Variants in IKBKB observed in about 807,000 individuals in gnomAD.
The protein encoded by IKBKB is inhibitor of nuclear factor kappa-B kinase subunit beta.
Under a neutral mutation model 113.6 loss-of-function variants are expected in IKBKB, and 42 were observed. The ratio of observed to expected loss-of-function variants is 0.37; its 90% confidence interval spans 0.29 to 0.48. The LOEUF is 0.48. Among genes scored for constraint, IKBKB ranks in the 20% least tolerant of loss-of-function variants. IKBKB has a pLI of 0.99. For missense variants in IKBKB, 673 were observed against 939.7 expected (o/e 0.72, Z 3.71); for synonymous variants, 296 against 361.3 (o/e 0.82, Z 2.05).
Position 42,271,391 on chromosome 8 carries a change from T to A in IKBKB, c.-97T>A. ...TTTTAATGTTTTCAGGGGGGTGTCATAGCCCCGGGTTTGGCCGCCCCAGCC... is the reference window on the plus strand; with the variant it reads ...TTTTAATGTTTTCAGGGGGGTGTCAAAGCCCCGGGTTTGGCCGCCCCAGCC... On this transcript the variant is annotated 5_prime_UTR_variant, in exon 1 of 22. Transcript: ENST00000520810. The A allele has an allele frequency of 1.3e-6, 2 of 1,512,650 alleles. No individual in the cohort carries two copies. The highest frequency in any genetic ancestry group is 1.8e-6 in the Non-Finnish European group (2 of 1,127,962). 93.7% of individuals were successfully genotyped at this position (1,512,650 alleles called of 1,614,324 possible). A position where few individuals can be genotyped will look rare whatever the true frequency, so the allele number is the denominator to read the frequency against.
At chr8:42,279,317 T>G (rs547870801) in intron 2 of IKBKB, among the ~76,000 whole-genome samples, 3 of 152,230 alleles carry the variant, frequency 2.0e-5, no homozygotes, top group South Asian at 4.1e-4. Flanking sequence ...TATGGTGGTG[T>G]TGGTTCCTTG....
chr8:42,271,941 G>T, intron 1 of IKBKB, 142 bp from the exon 2 acceptor site: 1 of 914,980 alleles, frequency 1.1e-6, no homozygotes, highest in Non-Finnish European at 1.6e-6. Flanking sequence ...CAAACACATT[G>T]GTTTCTTTAC....
chr8:42,300,567 A>G (rs1814971904), intron 5 of IKBKB, among the ~76,000 whole-genome samples: 1 of 152,174 alleles, frequency 6.6e-6, no homozygotes, highest in African/African-American at 2.4e-5. Flanking sequence ...GTGGTTTGTC[A>G]TCTGAAAAAA....
At chr8:42,301,190 C>T (rs796878588) in intron 5 of IKBKB, among the ~76,000 whole-genome samples, 15 of 152,308 alleles carry the variant, frequency 9.8e-5, no homozygotes, top group African/African-American at 3.6e-4. Flanking sequence ...TAATAGTTTG[C>T]AATGTGGTGC....
chr8:42,314,963 T>C (rs1433835466), intron 9 of IKBKB, among the ~76,000 whole-genome samples: 1 of 152,220 alleles, frequency 6.6e-6, no homozygotes, highest in African/African-American at 2.4e-5. Flanking sequence ...TAACAATTTA[T>C]CTATACCTCT....
intron 11 of IKBKB, 170 bp downstream of exon 11, chr8:42,317,074 T>G (rs1818828469): frequency 1.4e-6 from 1 of 700,296 alleles, no homozygotes; most frequent in Non-Finnish European, 2.6e-6. Flanking sequence ...TGTGGCCTGA[T>G]AGGAAACACA....
chr8:42,326,170 C>A, intron 20 of IKBKB, 73 bp downstream of exon 20: 1 of 1,562,998 alleles, frequency 6.4e-7, no homozygotes, highest in South Asian at 1.1e-5. Flanking sequence ...AGGCGTTTGT[C>A]ACTGGTAAAT....
At position 42,330,920 on chromosome 8, in the gene IKBKB, G is replaced by A. The variant is rs201036758; in HGVS notation, c.2212G>A (p.Asp738Asn). 1.1e-4 allele frequency: 177 copies of A among 1,614,218 alleles called. 2 individuals carry two copies. In the South Asian group the frequency reaches 1.9e-3, roughly 17 times the overall value. ...REQDQSFTAL[D>N]WSWLQTEEEE... Reference sequence around the variant, plus strand: ...CATGTCTGTTGACTTTCAGGCCCTAGACTGGAGCTGGTTACAGACGGAAGA... The same window carrying A: ...CATGTCTGTTGACTTTCAGGCCCTAAACTGGAGCTGGTTACAGACGGAAGA... The change falls in exon 22 of 22, where the codon GAC becomes AAC. Residue 738 changes from aspartate (D) to asparagine (N), a missense_variant. This residue lies in a region of IKBKB where 506 missense variants were observed against 638.7 expected (regional missense o/e 0.79). Coordinates refer to ENST00000520810, the MANE Select transcript of IKBKB (RefSeq NM_001556.3).
chr8:42,308,021 G>T (rs1585711565), intron 7 of IKBKB, among the ~76,000 whole-genome samples: 1 of 152,086 alleles, frequency 6.6e-6, no homozygotes, highest in Admixed American at 6.5e-5. Context: ...TCACCCCAGC[G>T]CTCTCTGCCT....
rs1818270733 is a variant in IKBKB, at chr8:42,314,356, A to G, written c.727A>G (p.Ile243Val). 6.2e-7 allele frequency: 1 copy of G among 1,614,134 alleles called. No individual in the cohort carries two copies. Among genetic ancestry groups the G allele is most frequent in the Non-Finnish European group, 8.5e-7 (1 of 1,179,948 alleles). ...SKVRQKSEVDIVVSEDLNGTV... is the reference protein window; with the variant it reads ...SKVRQKSEVDVVVSEDLNGTV... ...AGTGCGGCAGAAGAGTGAGGTGGAC[A>G]TTGTTGTTAGCGAAGACTTGAATGG... Residue 243 changes from isoleucine to valine, a missense_variant, in exon 9 of 22, where the codon ATT (isoleucine) becomes GTT (valine). Physicochemically the swap from Ile to Val is conservative, Grantham distance 29. Coordinates refer to ENST00000520810, the MANE Select transcript of IKBKB (RefSeq NM_001556.3).
At chr8:42,326,373 T>C in intron 20 of IKBKB, 1 of 376,000 alleles carries the variant, frequency 2.7e-6, no homozygotes, top group East Asian at 6.3e-5. Flanking sequence ...TGTTACCCTT[T>C]ATCCATAGGA....
At chr8:42,290,871 T>C (rs1172104937) in intron 4 of IKBKB, among the ~76,000 whole-genome samples, 1 of 152,248 alleles carries the variant, frequency 6.6e-6, no homozygotes, top group Non-Finnish European at 1.5e-5. Flanking sequence ...TGTTCACTTC[T>C]GGTGGGTGGA....
chr8:42,288,588 T>G (rs1305637706), intron 2 of IKBKB, 46 bp from the exon 3 acceptor site: 3 of 1,480,956 alleles, frequency 2.0e-6, no homozygotes, highest in Non-Finnish European at 2.8e-6. Context: ...GGGTGGGATT[T>G]GGCCTGCAGC....
chr8:42,308,835 C>T (rs1028608358), intron 7 of IKBKB, 66 bp from the exon 8 acceptor site: 32 of 1,516,470 alleles, frequency 2.1e-5, no homozygotes, highest in African/African-American at 4.1e-5. Context: ...ATGGGCTGGC[C>T]GCCCCCTCCT....
intron 5 of IKBKB, among the ~76,000 whole-genome samples, chr8:42,295,044 GT>G (rs1813445580): frequency 2.1e-5 from 3 of 145,042 alleles, no homozygotes; most frequent in Non-Finnish European, 4.5e-5. Flanking sequence ...TTTTTTGGAT[GT>G]TTTTCTCTCA....
At chr8:42,292,891 TACTC>T (rs546831358) in intron 4 of IKBKB, among the ~76,000 whole-genome samples, 5 of 152,336 alleles carry the variant, frequency 3.3e-5, no homozygotes, top group African/African-American at 9.6e-5. Context: ...CACCCGTACT[TACTC>T]AGTGGTGGTG....
chr8:42,302,179 A>G (rs1161984076), intron 5 of IKBKB, among the ~76,000 whole-genome samples: 1 of 152,232 alleles, frequency 6.6e-6, no homozygotes, highest in Non-Finnish European at 1.5e-5. Flanking sequence ...GCTATTTTTT[A>G]TACTTCATTT....
intron 19 of IKBKB, among the ~76,000 whole-genome samples, chr8:42,323,799 A>G (rs1484978398): frequency 6.6e-6 from 1 of 152,156 alleles, no homozygotes; most frequent in Non-Finnish European, 1.5e-5. Context: ...TCTGAAGAGG[A>G]GAGGGAGGTG....
At chr8:42,323,070 AGTCTCT>A (rs1315034848) in intron 19 of IKBKB, among the ~76,000 whole-genome samples, 2 of 152,180 alleles carry the variant, frequency 1.3e-5, no homozygotes. Flanking sequence ...GTGTGACTCC[AGTCTCT>A]GTCTCTGTCT....
Sources: allele counts gnomAD v4.1 joint callset (sites outside exome capture counted in the v4.1 genomes callset), GRCh38; gene constraint gnomAD v4.1.1; regional missense constraint gnomAD v4.1.1; transcripts MANE v1.5; gene names NCBI Gene and HGNC (gene_info 2026-07-23, HGNC 2026-07-21).